STK3: variants seen among roughly 807,000 people sequenced by gnomAD.
STK3 encodes serine/threonine-protein kinase 3.
In STK3, 41 loss-of-function variants were observed where a neutral mutation model predicts 58.0. The ratio of observed to expected loss-of-function variants is 0.71; its 90% CI spans 0.55 to 0.92. STK3 has a LOEUF of 0.92. STK3 is among the 40% of genes least tolerant of loss of function. STK3 has a pLI of 0.00. For missense variants in STK3, 479 were observed against 602.7 expected (o/e 0.79, Z 2.15); for synonymous variants, 170 against 191.0 (o/e 0.89, Z 0.91).
intron 6 of STK3, chr8:98,597,329 T>A: frequency 1.0e-6 from 1 of 985,322 alleles, no homozygotes; most frequent in Non-Finnish European, 1.2e-6. Flanking sequence ...AGGTTAAGAG[T>A]CAATCTTTTT....
chr8:98,406,761 A>G (rs1256744374), intron 3 of STK3, among the ~76,000 whole-genome samples: 1 of 152,134 alleles, frequency 6.6e-6, no homozygotes, highest in African/African-American at 2.4e-5. Context: ...TTTTTTTCCC[A>G]GCATCCTTTG....
intron 8 of STK3, among the ~76,000 whole-genome samples, chr8:98,572,452 T>C (rs1813044844): frequency 6.6e-6 from 1 of 152,180 alleles, no homozygotes; most frequent in African/African-American, 2.4e-5. Context: ...ATGTGTAGTC[T>C]ATGATAAATT....
chr8:98,829,439 A>G (rs111833191), upstream of STK3, among the ~76,000 whole-genome samples: 601 of 152,344 alleles, frequency 3.9e-3, 6 homozygotes, highest in African/African-American at 0.014. Flanking sequence ...AGTAGGAGGA[A>G]TACTATCAGA....
intron 10 of STK3, among the ~76,000 whole-genome samples, chr8:98,499,867 A>G (rs1563669596): frequency 6.6e-6 from 1 of 152,148 alleles, no homozygotes; most frequent in Non-Finnish European, 1.5e-5. Flanking sequence ...TTTTGGGTTG[A>G]AACTGAAATG....
intron 4 of STK3, among the ~76,000 whole-genome samples, chr8:98,732,375 A>AG (rs761804211): frequency 5.9e-5 from 9 of 152,290 alleles, no homozygotes; most frequent in Admixed American, 2.6e-4. Context: ...AAATTTCCAG[A>AG]GGGGGAAAAA....
At chr8:98,472,402 T>TA (rs1319130516) in intron 10 of STK3, among the ~76,000 whole-genome samples, 4 of 152,218 alleles carry the variant, frequency 2.6e-5, no homozygotes, top group African/African-American at 9.6e-5. Flanking sequence ...TTTACTCACA[T>TA]ACACCTTATG....
At chr8:98,470,490 G>A (rs1440162538) in intron 10 of STK3, among the ~76,000 whole-genome samples, 4 of 152,166 alleles carry the variant, frequency 2.6e-5, no homozygotes, top group Non-Finnish European at 5.9e-5. Context: ...CTCAGTACAA[G>A]GCCTTTTAAG....
chr8:98,871,672 T>C (rs1376754534), intron 3 of STK3, among the ~76,000 whole-genome samples: 1 of 152,198 alleles, frequency 6.6e-6, no homozygotes, highest in Non-Finnish European at 1.5e-5. Flanking sequence ...GGAATGCTTG[T>C]GATTTTTGCA....
intron 1 of STK3, among the ~76,000 whole-genome samples, chr8:98,382,034 T>C (rs57803376): frequency 0.31 from 46,727 of 152,116 alleles, 7,855 homozygotes; most frequent in East Asian, 0.5. Flanking sequence ...GAGATTGTTT[T>C]ATTTACCTCA....
In STK3 at chr8:98,617,992, C is replaced by T. The variant is rs548018788; in HGVS notation, c.685-21823G>A. On this transcript the variant is annotated intron_variant, in intron 6 of 10. Coordinates refer to ENST00000419617, the MANE Select transcript of STK3 (RefSeq NM_006281.4). ...GCCAGCATCATTCTGATACCAAAGC[C>T]GGGCAGAGACACAACCAAAAAGAAG... Among the ~76,000 whole-genome samples the T allele has an allele frequency of 7.2e-5, 11 of 152,008 alleles. No homozygotes were observed. In the South Asian group the frequency reaches 8.3e-4, roughly 11 times the overall value.
At position 98,415,988 on chromosome 8, in the gene STK3, T is replaced by C. The variant is rs1248445360; in HGVS notation, n.484-14475A>G. ...GAGACTCTAGGGCACTTGTACTCCATGGGGTAGCTCAGAGATCCAGGCTGC... is the reference window on the plus strand; with the variant it reads ...GAGACTCTAGGGCACTTGTACTCCACGGGGTAGCTCAGAGATCCAGGCTGC... On this transcript the variant is annotated intron_variant and non_coding_transcript_variant, in intron 3 of 3. Transcript: ENST00000517832. 3.3e-5 allele frequency among the ~76,000 whole-genome samples: 5 copies of C among 152,194 alleles called. No homozygotes were observed. The South Asian group carries it at 6.2e-4, about 19-fold the overall frequency.
In STK3 at chr8:98,800,937, C is replaced by T. The variant is rs943697095; in HGVS notation, c.26+24578G>A. Reference sequence around the variant, plus strand: ...GCGCTGGCCCCTGCTCCACGGCGTCCGGTCCCATAAACCGCCCAAGGGCTG... The same window carrying T: ...GCGCTGGCCCCTGCTCCACGGCGTCTGGTCCCATAAACCGCCCAAGGGCTG... On this transcript the variant is annotated intron_variant, in intron 1 of 10. Coordinates refer to ENST00000419617, the MANE Select transcript of STK3 (RefSeq NM_006281.4). The surrounding 1 kb of genome is among the most constrained non-coding windows in gnomAD (Gnocchi z 4.8). Among the ~76,000 whole-genome samples, 7 of 152,220 alleles carry T rather than the reference C, an allele frequency of 4.6e-5. No homozygotes were observed. The highest frequency in any genetic ancestry group is 1.2e-4 in the African/African-American group (5 of 41,450).
intron 3 of STK3, among the ~76,000 whole-genome samples, chr8:98,840,583 G>GTATATATATA (rs59274441): frequency 1.3e-3 from 107 of 80,072 alleles, no homozygotes; most frequent in Admixed American, 1.7e-3. Flanking sequence ...AGAAAAAAAT[G>GTATATATATA]TATATATATA....
chr8:98,684,137 TA>T (rs899173987), intron 6 of STK3, among the ~76,000 whole-genome samples: 1 of 152,052 alleles, frequency 6.6e-6, no homozygotes, highest in African/African-American at 2.4e-5. Flanking sequence ...AATGAAGAAG[TA>T]AAAAATAACT....
At chr8:98,685,760 G>A (rs938393899) in intron 6 of STK3, among the ~76,000 whole-genome samples, 2 of 151,824 alleles carry the variant, frequency 1.3e-5, no homozygotes, top group African/African-American at 4.8e-5. Context: ...CAAAAAAATA[G>A]GGAAGAGAAA....
chr8:98,876,665 T>C (rs1407227796), intron 3 of STK3, among the ~76,000 whole-genome samples: 1 of 152,216 alleles, frequency 6.6e-6, no homozygotes, highest in African/African-American at 2.4e-5. Flanking sequence ...GCCAGGATAT[T>C]ATAGATGACT....
chr8:98,502,389 C>T (rs1056250313), intron 10 of STK3, among the ~76,000 whole-genome samples: 1 of 152,148 alleles, frequency 6.6e-6, no homozygotes, highest in African/African-American at 2.4e-5. Flanking sequence ...TACTTGAATA[C>T]CCTTTATTTC....
chr8:98,382,537 CA>C (rs1249061426), intron 1 of STK3, among the ~76,000 whole-genome samples: 2 of 152,054 alleles, frequency 1.3e-5, no homozygotes, highest in Non-Finnish European at 2.9e-5. Flanking sequence ...CAAGTCTTGC[CA>C]GGGGTGGTCT....
upstream of STK3, among the ~76,000 whole-genome samples, chr8:98,392,257 G>A (rs1225465393): frequency 6.6e-6 from 1 of 152,058 alleles, no homozygotes; most frequent in African/African-American, 2.4e-5. Context: ...AAGTAGTCAA[G>A]GCATAAATGA....
Sources: gnomAD v4.1 joint callset for allele counts (sites outside exome capture counted in the v4.1 genomes callset) on GRCh38, gnomAD v4.1.1 for gene constraint, Gnocchi (gnomAD v3.1) non-coding constraint, MANE v1.5 for transcripts, NCBI Gene and HGNC (gene_info 2026-07-23, HGNC 2026-07-21) for gene names.